Variants in CIB4 observed in about 807,000 individuals in gnomAD.
CIB4 encodes calcium and integrin-binding family member 4.
A neutral mutation model predicts 25.8 loss-of-function variants in CIB4; 25 were observed. That is an observed-to-expected ratio of 0.97 (90% CI 0.71 to 1.35). The LOEUF (loss-of-function observed/expected upper bound fraction) is 1.35, where lower values mean the gene tolerates loss of function less well. Among genes scored for constraint, CIB4 ranks in the 40% most tolerant of loss-of-function variants. The probability of loss-of-function intolerance (pLI) is 0.00; values close to 1 mark genes in which losing one functional copy is unlikely to be tolerated. For missense variants in CIB4, 235 were observed against 228.2 expected, an observed-to-expected ratio of 1.03 and a Z score of -0.19; for synonymous variants, 75 against 81.4, an observed-to-expected ratio of 0.92 and a Z score of 0.42.
chr2:26,584,974 G>A (rs1355454147), intron 4 of CIB4, among the ~76,000 whole-genome samples: 4 of 152,194 alleles, frequency 2.6e-5, no homozygotes, highest in South Asian at 2.1e-4. Flanking sequence ...CCCGCCAGTC[G>A]GGGAGTGCTG....
intron 2 of CIB4, among the ~76,000 whole-genome samples, chr2:26,639,000 A>G (rs984266259): frequency 1.3e-5 from 2 of 151,910 alleles, no homozygotes; most frequent in African/African-American, 4.8e-5. Context: ...GAACAGTATG[A>G]AGGGATAAAT....
chr2:26,604,509 C>A (rs553900911), intron 3 of CIB4, among the ~76,000 whole-genome samples: 2 of 152,016 alleles, frequency 1.3e-5, no homozygotes, highest in Admixed American at 6.6e-5. Context: ...GACAATGGAG[C>A]GATATATTTT....
intron 4 of CIB4, among the ~76,000 whole-genome samples, chr2:26,587,304 C>CAAAAAAAAAAAAAA (rs71399396): frequency 3.3e-5 from 2 of 61,470 alleles, no homozygotes; most frequent in Non-Finnish European, 5.2e-5. Flanking sequence ...GACTCCGTCT[C>CAAAAAAAAAAAAAA]AAAAAAAAAA....
intron 2 of CIB4, among the ~76,000 whole-genome samples, chr2:26,633,521 C>G (rs60181378): frequency 0.063 from 9,632 of 152,124 alleles, 1,059 homozygotes; most frequent in African/African-American, 0.22. Context: ...AAAGTCCTCT[C>G]GGGGAGGGTG....
chr2:26,631,246 G>A (rs577944422), intron 2 of CIB4, among the ~76,000 whole-genome samples: 19 of 152,192 alleles, frequency 1.2e-4, no homozygotes, highest in East Asian at 1.9e-4. Context: ...AGGCTGAGGC[G>A]GGAGAATCGC....
intron 4 of CIB4, among the ~76,000 whole-genome samples, chr2:26,589,010 T>C (rs1411264945): frequency 1.0e-4 from 2 of 19,606 alleles, no homozygotes; most frequent in African/African-American, 1.9e-4. Context: ...TTCTTCTTCT[T>C]CTTCTTCTTC....
At chr2:26,638,583 C>A (rs529644728) in intron 2 of CIB4, among the ~76,000 whole-genome samples, 1 of 152,334 alleles carries the variant, frequency 6.6e-6, no homozygotes, top group East Asian at 1.9e-4. Context: ...GAGGGGCAGG[C>A]ATGGCCATGC....
chr2:26,635,393 T>C (rs1669513318), intron 2 of CIB4, among the ~76,000 whole-genome samples: 1 of 152,074 alleles, frequency 6.6e-6, no homozygotes, highest in Non-Finnish European at 1.5e-5. Flanking sequence ...GGTGGGAAAA[T>C]ATTGGACAGA....
intron 3 of CIB4, among the ~76,000 whole-genome samples, chr2:26,625,455 C>T (rs560562362): frequency 6.0e-5 from 9 of 151,108 alleles, no homozygotes; most frequent in East Asian, 5.8e-4. Context: ...TGGGTTCAAG[C>T]GATTCTCCTG....
At chr2:26,626,018 TTG>T (rs1258135605) in intron 3 of CIB4, among the ~76,000 whole-genome samples, 4 of 152,242 alleles carry the variant, frequency 2.6e-5, no homozygotes, top group African/African-American at 9.6e-5. Flanking sequence ...CTCATTTTTG[TTG>T]TGTGTCAAAG....
At chr2:26,613,672 T>C (rs1669038934) in intron 3 of CIB4, among the ~76,000 whole-genome samples, 1 of 152,180 alleles carries the variant, frequency 6.6e-6, no homozygotes, top group Non-Finnish European at 1.5e-5. Flanking sequence ...GCAGTTCAAC[T>C]CCAGGGCTTT....
chr2:26,589,046 T>TC (rs1668519377), intron 4 of CIB4, among the ~76,000 whole-genome samples: 5 of 53,222 alleles, frequency 9.4e-5, no homozygotes, highest in African/African-American at 3.9e-4. Flanking sequence ...TTCTTCTTCT[T>TC]CTTCTTCTTC....
intron 3 of CIB4, among the ~76,000 whole-genome samples, chr2:26,605,151 A>C (rs964339266): frequency 6.6e-6 from 1 of 152,260 alleles, no homozygotes; most frequent in East Asian, 1.9e-4. Context: ...AGTCAAAGAA[A>C]TCATGAATAA....
At chr2:26,582,997 A>C in intron 5 of CIB4, 84 bp from the exon 6 acceptor site, 1 of 858,056 alleles carries the variant, frequency 1.2e-6, no homozygotes, top group Non-Finnish European at 2.0e-6. Context: ...GGAAAGCCAC[A>C]TGCCAGGGGC....
Position 26,641,359 on chromosome 2 carries a change from A to G in CIB4, c.-45T>C. ...CTGCCAGCAGTAGAACCTCAGCCTC[A>G]AGGACTCGCCAGCTGAGGCACCTCG... On this transcript the variant is annotated 5_prime_UTR_variant, in exon 1 of 7. Coordinates refer to ENST00000288861, the MANE Select transcript of CIB4 (RefSeq NM_001029881.3). 3 of 1,545,450 alleles carry G rather than the reference A, an allele frequency of 1.9e-6. No homozygotes were observed. Among genetic ancestry groups the G allele is most frequent in the Non-Finnish European group, 2.7e-6 (3 of 1,117,490 alleles).
chr2:26,629,983 G>A (rs1320047199), intron 2 of CIB4, among the ~76,000 whole-genome samples: 2 of 152,180 alleles, frequency 1.3e-5, no homozygotes, highest in Non-Finnish European at 1.5e-5. Context: ...TGAGTGAGCC[G>A]GGATTAGAGC....
At chr2:26,583,649 A>G in intron 5 of CIB4, 140 bp downstream of exon 5, 1 of 654,470 alleles carries the variant, frequency 1.5e-6, no homozygotes, top group Non-Finnish European at 2.8e-6. Context: ...GAATGTGTGC[A>G]CCAAAGGCCA....
At chr2:26,626,057 T>C (rs1195465112) in intron 3 of CIB4, among the ~76,000 whole-genome samples, 2 of 152,234 alleles carry the variant, frequency 1.3e-5, no homozygotes, top group Non-Finnish European at 2.9e-5. Flanking sequence ...TGTGTGGCCT[T>C]ATTTCTGGGT....
chr2:26,584,278 C>T (rs1453251652), intron 4 of CIB4, among the ~76,000 whole-genome samples: 1 of 152,168 alleles, frequency 6.6e-6, no homozygotes, highest in African/African-American at 2.4e-5. Context: ...AGGCTGACCT[C>T]CGAGCCCCAT....
Sources: allele counts gnomAD v4.1 joint callset (sites outside exome capture counted in the v4.1 genomes callset), GRCh38; gene constraint gnomAD v4.1.1; transcripts MANE v1.5; gene names NCBI Gene and HGNC (gene_info 2026-07-23, HGNC 2026-07-21).